RAD51B: variants seen among roughly 807,000 people sequenced by gnomAD.
The protein encoded by RAD51B is RAD51 paralog B.
A neutral mutation model predicts 42.2 loss-of-function variants in RAD51B; 38 were observed. The observed-to-expected ratio is 0.90, with a 90% CI of 0.70 to 1.18. RAD51B has a LOEUF of 1.18. Ranked by LOEUF, RAD51B falls within the 50% of genes most tolerant of loss-of-function variation. The pLI, the probability that RAD51B is intolerant of heterozygous loss-of-function variation, is 0.00. For synonymous variants in RAD51B, 154 were observed against 145.2 expected, an observed-to-expected ratio of 1.06 and a Z score of -0.43; for missense variants, 373 against 400.7, an observed-to-expected ratio of 0.93 and a Z score of 0.59.
rs573000642 is a variant in RAD51B, at chr14:68,321,474, A to T, written c.853+29494A>T. Among the ~76,000 whole-genome samples the T allele has an allele frequency of 2.6e-5, 4 of 152,316 alleles. No homozygotes were observed. In the East Asian group the frequency reaches 7.7e-4, roughly 29 times the overall value. On this transcript the variant is annotated intron_variant, in intron 8 of 10. Transcript: ENST00000471583. ...TCAGAAACAATTTAGTAAGTGATAG[A>T]CTTGGAAGAGTTCAAAAGCAGCTCT...
chr14:67,962,423 G>C (rs2074689075), intron 7 of RAD51B, among the ~76,000 whole-genome samples: 1 of 152,152 alleles, frequency 6.6e-6, no homozygotes, highest in Admixed American at 6.5e-5. Context: ...CAAGAGAAAG[G>C]TTTCTTCAGT....
chr14:68,362,127 C>T (rs1223891630), intron 8 of RAD51B, among the ~76,000 whole-genome samples: 2 of 152,222 alleles, frequency 1.3e-5, no homozygotes, highest in Non-Finnish European at 2.9e-5. Flanking sequence ...TACCTACAAA[C>T]TTCCCTCATG....
chr14:68,015,298 A>T (rs1189298449), intron 7 of RAD51B, among the ~76,000 whole-genome samples: 1 of 152,194 alleles, frequency 6.6e-6, no homozygotes, highest in Non-Finnish European at 1.5e-5. Context: ...ACCTACTATG[A>T]TGGGGATACA....
chr14:68,032,000 C>G (rs1464169215), intron 7 of RAD51B, among the ~76,000 whole-genome samples: 1 of 151,042 alleles, frequency 6.6e-6, no homozygotes, highest in Admixed American at 6.6e-5. Context: ...TGTATGTAGC[C>G]TAGTGATTAT....
At chr14:68,319,664 G>A (rs1027386376) in intron 8 of RAD51B, among the ~76,000 whole-genome samples, 3 of 152,150 alleles carry the variant, frequency 2.0e-5, no homozygotes, top group African/African-American at 7.2e-5. Flanking sequence ...ATGCTTCTGT[G>A]TTCCAGCTTT....
At chr14:68,552,229 C>A (rs1216421341) in intron 10 of RAD51B, among the ~76,000 whole-genome samples, 1 of 152,158 alleles carries the variant, frequency 6.6e-6, no homozygotes, top group Non-Finnish European at 1.5e-5. Context: ...GGTAGGGGAG[C>A]ATTAGAGTTT....
chr14:68,383,447 G>A (rs539945475), intron 8 of RAD51B, among the ~76,000 whole-genome samples: 2 of 152,322 alleles, frequency 1.3e-5, no homozygotes, highest in African/African-American at 4.8e-5. Context: ...GGGTGCTGAG[G>A]TTGAGAAGCC....
At chr14:68,124,465 T>G (rs1015724599) in intron 7 of RAD51B, among the ~76,000 whole-genome samples, 1 of 152,222 alleles carries the variant, frequency 6.6e-6, no homozygotes, top group Non-Finnish European at 1.5e-5. Context: ...ATATTTCATG[T>G]GATGGCTCTA....
chr14:68,434,597 G>A (rs188015748), intron 9 of RAD51B, among the ~76,000 whole-genome samples: 142 of 152,260 alleles, frequency 9.3e-4, no homozygotes, highest in South Asian at 1.9e-3. Context: ...TTGGAAAAGC[G>A]CAGTATTAGG....
chr14:67,908,167 T>C (rs2043841764), intron 7 of RAD51B: 1 of 152,228 alleles, frequency 6.6e-6, no homozygotes, highest in African/African-American at 2.4e-5. Context: ...GTGGGGCTTG[T>C]TAAGATACAG....
chr14:68,470,022 G>A (rs113728095), intron 10 of RAD51B, among the ~76,000 whole-genome samples: 2 of 152,180 alleles, frequency 1.3e-5, no homozygotes, highest in African/African-American at 4.8e-5. Context: ...TTTAGAGAAA[G>A]TAGAGCCTGG....
chr14:67,934,445 A>C (rs903897787), intron 7 of RAD51B, among the ~76,000 whole-genome samples: 3 of 152,146 alleles, frequency 2.0e-5, no homozygotes, highest in Non-Finnish European at 4.4e-5. Flanking sequence ...TATTTATGGC[A>C]TTTGTTGCTT....
intron 8 of RAD51B, among the ~76,000 whole-genome samples, chr14:68,312,733 T>C (rs2081986992): frequency 6.6e-6 from 1 of 152,204 alleles, no homozygotes; most frequent in African/African-American, 2.4e-5. Context: ...CACCTGGTGA[T>C]GTTTGTTATA....
intron 10 of RAD51B, among the ~76,000 whole-genome samples, chr14:68,580,531 G>T (rs190961600): frequency 2.6e-5 from 4 of 152,302 alleles, no homozygotes; most frequent in Non-Finnish European, 5.9e-5. Flanking sequence ...TGACCCGCGT[G>T]GAAGAGACAT....
At chr14:68,324,896 C>T (rs1019335155) in intron 8 of RAD51B, among the ~76,000 whole-genome samples, 8 of 152,214 alleles carry the variant, frequency 5.3e-5, no homozygotes, top group African/African-American at 1.7e-4. Flanking sequence ...AGGCTTTACC[C>T]GGCTATCCCC....
chr14:67,875,272 C>T (rs2042688943), intron 5 of RAD51B, among the ~76,000 whole-genome samples: 1 of 152,154 alleles, frequency 6.6e-6, no homozygotes, highest in African/African-American at 2.4e-5. Context: ...ACTTAGTATA[C>T]AAAGGAGAGG....
At chr14:68,147,715 C>T (rs577085581) in intron 7 of RAD51B, among the ~76,000 whole-genome samples, 56 of 150,366 alleles carry the variant, frequency 3.7e-4, no homozygotes, top group African/African-American at 1.3e-3. Context: ...ATATTTTAAA[C>T]AACTCTTACG....
intron 10 of RAD51B, among the ~76,000 whole-genome samples, chr14:68,490,198 A>G (rs1883951395): frequency 1.3e-5 from 2 of 152,272 alleles, no homozygotes; most frequent in Non-Finnish European, 2.9e-5. Flanking sequence ...ATGGGATAAC[A>G]GAAATGATTT....
intron 4 of RAD51B, among the ~76,000 whole-genome samples, chr14:67,836,900 G>C (rs553190381): frequency 6.6e-6 from 1 of 152,170 alleles, no homozygotes; most frequent in African/African-American, 2.4e-5. Context: ...CTTCTTGCTT[G>C]AAAGTTCTAG....
Sources: allele counts gnomAD v4.1 joint callset (sites outside exome capture counted in the v4.1 genomes callset), GRCh38; gene constraint gnomAD v4.1.1; transcripts MANE v1.5; gene names NCBI Gene and HGNC (gene_info 2026-07-23, HGNC 2026-07-21).